Variants in ZMIZ1 observed in about 807,000 individuals in gnomAD.
ZMIZ1 encodes the protein zinc finger MIZ-type containing 1, also known as zinc finger MIZ domain-containing protein 1.
ZMIZ1 carries 17 observed loss-of-function variants against 113.9 expected under a neutral mutation model. That is an observed-to-expected ratio of 0.15 (90% confidence interval 0.10 to 0.22). The LOEUF (loss-of-function observed/expected upper bound fraction) is 0.22, where lower values mean the gene tolerates loss of function less well. ZMIZ1 is among the 10% of genes least tolerant of loss of function. The pLI is 1.00. For missense variants in ZMIZ1, 1,059 were observed against 1,477.8 expected (o/e 0.72, Z 4.65); for synonymous variants, 607 against 603.1 (o/e 1.01, Z -0.09).
intron 18 of ZMIZ1, among the ~76,000 whole-genome samples, chr10:79,303,258 T>C (rs1280559627): frequency 6.6e-6 from 1 of 151,754 alleles, no homozygotes; most frequent in African/African-American, 2.4e-5. Flanking sequence ...AATTCAAGAC[T>C]AGCCTGGCCG....
chr10:79,274,343 A>T (rs1245906997), intron 7 of ZMIZ1, among the ~76,000 whole-genome samples: 1 of 152,092 alleles, frequency 6.6e-6, no homozygotes, highest in Non-Finnish European at 1.5e-5. Context: ...GCCCCGCCTA[A>T]TTAGAGCAGA....
chr10:79,292,140 AC>A lies in ZMIZ1; in HGVS notation c.759-15del. On this transcript the variant is annotated splice_polypyrimidine_tract_variant and intron_variant, in intron 10 of 24. Transcript: ENST00000334512. ...GATGCAGGCAGTACCTAACTCTTCCACCCTTCTCCCCCTGCAGTTACCCTGG... is the reference window on the plus strand; with the variant it reads ...GATGCAGGCAGTACCTAACTCTTCCACCTTCTCCCCCTGCAGTTACCCTGG... 1 of 1,595,820 alleles carries A rather than the reference AC, an allele frequency of 6.3e-7. No individual in the cohort carries two copies. The highest frequency in any genetic ancestry group is 8.6e-7 in the Non-Finnish European group (1 of 1,167,964).
At chr10:79,292,765 CTG>C (rs1227995100) in intron 11 of ZMIZ1, 4 of 467,258 alleles carry the variant, frequency 8.6e-6, no homozygotes, top group Admixed American at 7.0e-5. Context: ...GTCACCCTAT[CTG>C]TGGGTCTGCG....
chr10:79,176,944 A>C (rs918876359), intron 4 of ZMIZ1, among the ~76,000 whole-genome samples: 1 of 152,236 alleles, frequency 6.6e-6, no homozygotes, highest in Non-Finnish European at 1.5e-5. Flanking sequence ...TCTCCAGTGC[A>C]TCTGCTGCTG....
At chr10:79,165,853 G>A (rs1846304347) in intron 4 of ZMIZ1, among the ~76,000 whole-genome samples, 1 of 149,494 alleles carries the variant, frequency 6.7e-6, no homozygotes, top group South Asian at 2.1e-4. Flanking sequence ...GGCGGGCCTG[G>A]TCTGCTAGGG....
chr10:79,270,894 T>C (rs1851908303), intron 7 of ZMIZ1, among the ~76,000 whole-genome samples: 1 of 152,112 alleles, frequency 6.6e-6, no homozygotes, highest in Non-Finnish European at 1.5e-5. Flanking sequence ...ATGGCCACTA[T>C]TGAGGGGTTG....
Position 79,277,193 on chromosome 10 carries a change from C to T in ZMIZ1, c.293C>T (p.Ser98Phe). ...FTPKSAALLS[S>F]WCEELGRLLL... ...GTCCTTCCTGCAGCCTTGTTGTCCT[C>T]CTGGTGCGAAGAGCTCGGCCGCCTG... is the stretch of plus-strand genomic sequence containing the variant. Residue 98 changes from serine to phenylalanine, a missense_variant, in exon 8 of 25, where the codon TCC becomes TTC. This residue lies in a region of ZMIZ1 where 272 missense variants were observed against 350.4 expected (regional missense o/e 0.78). Transcript: ENST00000334512. 1.9e-6 allele frequency: 3 copies of T among 1,553,842 alleles called. No individual in the cohort carries two copies. The highest frequency in any genetic ancestry group is 2.6e-6 in the Non-Finnish European group (3 of 1,149,958).
rs758621365 is a variant in ZMIZ1 at position 79,302,681 on chromosome 10, CTTTTTT to C, written c.2125+488_2125+493del. 9.6e-5 allele frequency among the ~76,000 whole-genome samples: 4 copies of C among 41,784 alleles called. No individual in the cohort carries two copies. In the Admixed American group the frequency reaches 1.0e-3, roughly 10 times the overall value. 27.4% of individuals were successfully genotyped at this position (41,784 alleles called of 152,430 possible). Reference sequence around the variant, plus strand: ...GGCCTCCCTACTTCAACAGCTCATGCTTTTTTTTTTTTTTTTTTTTTTTTGAGAGAG... The same window carrying C: ...GGCCTCCCTACTTCAACAGCTCATGCTTTTTTTTTTTTTTTTTTGAGAGAG... On this transcript the variant is annotated intron_variant, in intron 18 of 24. Transcript: ENST00000334512.
In ZMIZ1 at chr10:79,314,151, C is replaced by T. The variant is rs941996597; in HGVS notation, c.*1402C>T. On this transcript the variant is annotated 3_prime_UTR_variant, in exon 25 of 25. Coordinates refer to ENST00000334512, the MANE Select transcript of ZMIZ1 (RefSeq NM_020338.4). ...GCAGCCTCTGGCCTTCCCTCCACCG[C>T]TTTGCTCCATCTGGCTTACCACTCT... 1.5e-5 allele frequency: 7 copies of T among 456,962 alleles called. No homozygotes were observed. Among genetic ancestry groups the T allele is most frequent in the Non-Finnish European group, 3.1e-5 (7 of 227,026 alleles). 28.3% of individuals were successfully genotyped at this position (456,962 alleles called of 1,614,324 possible).
chr10:79,085,144 G>T (rs1842767647), intron 1 of ZMIZ1, among the ~76,000 whole-genome samples: 2 of 152,200 alleles, frequency 1.3e-5, no homozygotes, highest in Non-Finnish European at 1.5e-5. Flanking sequence ...AGGGCTGAGT[G>T]GGTGGGCACC....
intron 4 of ZMIZ1, among the ~76,000 whole-genome samples, chr10:79,200,615 G>T (rs773178156): frequency 6.6e-6 from 1 of 152,168 alleles, no homozygotes; most frequent in East Asian, 1.9e-4. Flanking sequence ...CCTGGTGTGG[G>T]CTCAGACACC....
intron 2 of ZMIZ1, among the ~76,000 whole-genome samples, chr10:79,136,297 C>G (rs936535508): frequency 6.6e-6 from 1 of 152,230 alleles, no homozygotes; most frequent in Non-Finnish European, 1.5e-5. Flanking sequence ...GGGGCAGGCC[C>G]AGCTCGTCTC....
At chr10:79,110,574 G>A (rs1213950304) in intron 1 of ZMIZ1, among the ~76,000 whole-genome samples, 8 of 152,220 alleles carry the variant, frequency 5.3e-5, no homozygotes, top group Non-Finnish European at 1.2e-4. Flanking sequence ...GATGTTGGCC[G>A]ACTACAAAGG....
chr10:79,072,688 G>A (rs901545052), intron 1 of ZMIZ1, among the ~76,000 whole-genome samples: 23 of 152,320 alleles, frequency 1.5e-4, no homozygotes, highest in African/African-American at 5.1e-4. Flanking sequence ...CTGCTGGTTC[G>A]TGGCTGGGTC....
intron 1 of ZMIZ1, among the ~76,000 whole-genome samples, chr10:79,096,927 C>G (rs1187344431): frequency 6.6e-6 from 1 of 152,102 alleles, no homozygotes; most frequent in Non-Finnish European, 1.5e-5. Context: ...ACAGGAAGGC[C>G]TTTCTGAGGA....
intron 4 of ZMIZ1, among the ~76,000 whole-genome samples, chr10:79,200,840 G>T (rs770666290): frequency 2.5e-4 from 12 of 48,426 alleles, no homozygotes; most frequent in Non-Finnish European, 6.3e-4. Context: ...GAGCACATGT[G>T]CATGTGCATG....
chr10:79,216,491 C>A, intron 7 of ZMIZ1: 1 of 421,464 alleles, frequency 2.4e-6, no homozygotes, highest in Non-Finnish European at 4.3e-6. Context: ...CTCAGGGGTA[C>A]TGCAGGGCCA....
At chr10:79,111,243 A>G (rs1355209048) in intron 1 of ZMIZ1, among the ~76,000 whole-genome samples, 6 of 152,154 alleles carry the variant, frequency 3.9e-5, no homozygotes, top group Admixed American at 1.3e-4. Context: ...GGGAGGAGAC[A>G]GTTGGTAGAC....
chr10:79,133,778 C>T (rs1233618760), intron 2 of ZMIZ1, among the ~76,000 whole-genome samples: 1 of 152,202 alleles, frequency 6.6e-6, no homozygotes, highest in East Asian at 1.9e-4. Flanking sequence ...CCCTCTGTTT[C>T]TGTTAACTTT....
Sources: allele counts gnomAD v4.1 joint callset (sites outside exome capture counted in the v4.1 genomes callset), GRCh38; gene constraint gnomAD v4.1.1; regional missense constraint gnomAD v4.1.1; transcripts MANE v1.5; gene names NCBI Gene and HGNC (gene_info 2026-07-23, HGNC 2026-07-21).